The following GPC6 variants were observed in gnomAD, a reference collection of about 807,000 sequenced individuals.
The protein encoded by GPC6 is glypican 6, also known as glypican-6.
A neutral mutation model predicts 55.2 loss-of-function variants in GPC6; 14 were observed. The observed-to-expected ratio is 0.25, with a 90% CI of 0.17 to 0.40. GPC6 has a LOEUF of 0.40. Ranked by LOEUF, GPC6 falls within the 10% of genes least tolerant of loss-of-function variation. GPC6 has a pLI of 1.00. For missense variants in GPC6, 641 were observed against 708.5 expected (o/e 0.90, Z 1.08); for synonymous variants, 278 against 259.6 (o/e 1.07, Z -0.68).
At chr13:94,353,347 T>C (rs1183184520) in intron 6 of GPC6, among the ~76,000 whole-genome samples, 1 of 152,228 alleles carries the variant, frequency 6.6e-6, no homozygotes, top group Non-Finnish European at 1.5e-5. Context: ...ATTCAATGTT[T>C]AAACAAATCA....
intron 1 of GPC6, among the ~76,000 whole-genome samples, chr13:93,326,286 A>G (rs964829984): frequency 1.3e-5 from 2 of 152,124 alleles, no homozygotes; most frequent in African/African-American, 4.8e-5. Flanking sequence ...AATCTTGTTC[A>G]ATTGCAAATT....
intron 5 of GPC6, among the ~76,000 whole-genome samples, chr13:94,287,459 A>C (rs1200832390): frequency 6.6e-6 from 1 of 152,198 alleles, no homozygotes; most frequent in Non-Finnish European, 1.5e-5. Context: ...AAGAAAAAGG[A>C]GCCATGGATT....
At chr13:94,324,894 T>G (rs980184887) in intron 6 of GPC6, among the ~76,000 whole-genome samples, 1 of 152,090 alleles carries the variant, frequency 6.6e-6, no homozygotes, top group African/African-American at 2.4e-5. Flanking sequence ...CCATATCTCA[T>G]TTGTAAAACT....
chr13:93,954,490 T>C (rs948271953), intron 3 of GPC6, among the ~76,000 whole-genome samples: 1 of 152,104 alleles, frequency 6.6e-6, no homozygotes, highest in Non-Finnish European at 1.5e-5. Context: ...CTATTTTTTG[T>C]AGAGACAGGT....
intron 2 of GPC6, among the ~76,000 whole-genome samples, chr13:93,816,397 C>T (rs1044568133): frequency 3.3e-5 from 5 of 152,132 alleles, no homozygotes; most frequent in Non-Finnish European, 1.5e-5. Context: ...TTTATTAAAC[C>T]CTTTTTACTA....
chr13:93,348,459 G>T (rs1880505056), intron 1 of GPC6, among the ~76,000 whole-genome samples: 1 of 152,170 alleles, frequency 6.6e-6, no homozygotes, highest in South Asian at 2.1e-4. Context: ...CCTCTTACTT[G>T]CATTATTTAT....
At chr13:94,389,308 C>T (rs887473122) in intron 7 of GPC6, among the ~76,000 whole-genome samples, 12 of 152,014 alleles carry the variant, frequency 7.9e-5, no homozygotes, top group African/African-American at 2.9e-4. Context: ...ATCAGTCATC[C>T]CTGAGAAGGG....
intron 3 of GPC6, among the ~76,000 whole-genome samples, chr13:93,947,309 A>T (rs1175948907): frequency 2.0e-5 from 3 of 152,200 alleles, no homozygotes; most frequent in Admixed American, 2.0e-4. Context: ...TTGGTCCCTA[A>T]CTTAGAACAT....
intron 5 of GPC6, among the ~76,000 whole-genome samples, chr13:94,295,166 T>C (rs1004240260): frequency 6.6e-6 from 1 of 152,154 alleles, no homozygotes; most frequent in African/African-American, 2.4e-5. Flanking sequence ...TGTTCTATGT[T>C]GTGTGATTTG....
intron 2 of GPC6, among the ~76,000 whole-genome samples, chr13:93,617,656 C>G (rs982074473): frequency 6.6e-6 from 1 of 151,988 alleles, no homozygotes; most frequent in Non-Finnish European, 1.5e-5. Context: ...TCCCAAGTTT[C>G]AATATATATT....
Position 93,972,815 on chromosome 13 carries a change from A to G in GPC6, c.712-54914A>G, listed in dbSNP as rs1376498736. Among the ~76,000 whole-genome samples the G allele has an allele frequency of 2.0e-5, 3 of 152,136 alleles. No homozygotes were observed. In the East Asian group the frequency reaches 5.8e-4, roughly 29 times the overall value. ...GCTTGGCTGGAACCATTCACTAGCT[A>G]AAGGACTCTCCCAAAAAGCCTTGCA... is the stretch of plus-strand genomic sequence containing the variant. On this transcript the variant is annotated intron_variant, in intron 3 of 8. Coordinates refer to ENST00000377047, the MANE Select transcript of GPC6 (RefSeq NM_005708.5).
chr13:94,321,530 C>A (rs1207228509), intron 6 of GPC6, among the ~76,000 whole-genome samples: 1 of 152,192 alleles, frequency 6.6e-6, no homozygotes, highest in Non-Finnish European at 1.5e-5. Flanking sequence ...TACACTCCCA[C>A]CTGCAATGTA....
At chr13:94,226,674 T>C (rs1206440124) in intron 4 of GPC6, among the ~76,000 whole-genome samples, 1 of 152,184 alleles carries the variant, frequency 6.6e-6, no homozygotes, top group Admixed American at 6.6e-5. Flanking sequence ...TGACGGTTTC[T>C]TATCTTCACC....
intron 2 of GPC6, among the ~76,000 whole-genome samples, chr13:93,817,073 A>G (rs886631846): frequency 1.3e-5 from 2 of 152,194 alleles, no homozygotes; most frequent in African/African-American, 2.4e-5. Flanking sequence ...ATCTGGGTCT[A>G]TCACTGTAGG....
At chr13:94,294,224 G>A (rs1007990305) in intron 5 of GPC6, among the ~76,000 whole-genome samples, 6 of 151,962 alleles carry the variant, frequency 3.9e-5, no homozygotes, top group African/African-American at 1.5e-4. Context: ...AACTATATTC[G>A]GAATAATTTC....
chr13:94,001,590 A>G (rs1881802846), intron 3 of GPC6, among the ~76,000 whole-genome samples: 1 of 152,326 alleles, frequency 6.6e-6, no homozygotes, highest in South Asian at 2.1e-4. Context: ...AAGTTTAGAT[A>G]AATAGCATAC....
intron 4 of GPC6, among the ~76,000 whole-genome samples, chr13:94,205,163 A>T (rs1889865644): frequency 6.6e-6 from 1 of 152,144 alleles, no homozygotes; most frequent in South Asian, 2.1e-4. Context: ...CATTTGGTTT[A>T]TTCTTTTGAG....
At chr13:93,526,680 C>T (rs928823757) in intron 1 of GPC6, among the ~76,000 whole-genome samples, 3 of 152,032 alleles carry the variant, frequency 2.0e-5, no homozygotes, top group Non-Finnish European at 4.4e-5. Flanking sequence ...AACATTTGCC[C>T]TTCAAAGATT....
In GPC6 at chr13:94,336,154, T is replaced by C. The variant is rs544103157; in HGVS notation, c.1152+30031T>C. On this transcript the variant is annotated intron_variant, in intron 6 of 8. Coordinates refer to ENST00000377047, the MANE Select transcript of GPC6 (RefSeq NM_005708.5). The stretch of plus-strand genomic sequence containing the variant: ...ACACACCCGAGCCGCAGGTGTAGCA[T>C]TTAGAGTCCAGTGAGGGGGGATTAC... Among the ~76,000 whole-genome samples the C allele has an allele frequency of 6.6e-5, 10 of 152,224 alleles. No homozygotes were observed. The East Asian group carries it at 1.7e-3, about 26-fold the overall frequency.
Sources: allele counts gnomAD v4.1 joint callset (sites outside exome capture counted in the v4.1 genomes callset), GRCh38; gene constraint gnomAD v4.1.1; transcripts MANE v1.5; gene names NCBI Gene and HGNC (gene_info 2026-07-23, HGNC 2026-07-21).